The following FLT3 variants were observed in gnomAD, a reference collection of about 807,000 sequenced individuals.
FLT3 encodes the protein receptor-type tyrosine-protein kinase FLT3.
A neutral mutation model predicts 126.6 loss-of-function variants in FLT3; 46 were observed. The observed-to-expected ratio is 0.36, with a 90% CI of 0.29 to 0.46. The LOEUF (loss-of-function observed/expected upper bound fraction) is 0.46. Ranked by LOEUF, FLT3 falls within the 20% of genes least tolerant of loss-of-function variation. The pLI, the probability that FLT3 is intolerant of heterozygous loss-of-function variation, is 1.00. For missense variants in FLT3, 1,069 were observed against 1,190.3 expected (o/e 0.90, Z 1.50); for synonymous variants, 404 against 434.4 (o/e 0.93, Z 0.87).
intron 2 of FLT3, among the ~76,000 whole-genome samples, chr13:28,062,642 G>A (rs1876670591): frequency 6.6e-6 from 1 of 150,774 alleles, no homozygotes; most frequent in Non-Finnish European, 1.5e-5. Flanking sequence ...TCCACGGGAG[G>A]CTGAGGCAGG....
At chr13:28,074,091 CTATTT>C (rs1877766244) in intron 1 of FLT3, among the ~76,000 whole-genome samples, 1 of 152,168 alleles carries the variant, frequency 6.6e-6, no homozygotes, top group South Asian at 2.1e-4. Flanking sequence ...CACCTCTGAT[CTATTT>C]TCTGTAATTA....
intron 1 of FLT3, among the ~76,000 whole-genome samples, chr13:28,083,468 G>T (rs1323011099): frequency 6.6e-6 from 1 of 152,112 alleles, no homozygotes; most frequent in African/African-American, 2.4e-5. Context: ...TTTAACCTTT[G>T]TCTGGTTTTG....
chr13:28,051,835 T>C (rs1875510016), intron 5 of FLT3, among the ~76,000 whole-genome samples: 1 of 151,936 alleles, frequency 6.6e-6, no homozygotes, highest in Admixed American at 6.6e-5. Flanking sequence ...CGTGAGCCAC[T>C]GTGCCCAGCC....
chr13:28,100,062 CG>C lies in FLT3; in HGVS notation c.43+405del, dbSNP rs1171470503. Among the ~76,000 whole-genome samples, 1 of 152,108 alleles carries C rather than the reference CG, an allele frequency of 6.6e-6. No homozygotes were observed. Among genetic ancestry groups the C allele is most frequent in the Non-Finnish European group, 1.5e-5 (1 of 68,016 alleles). ...CCAGGTGTCTACAGTATCCAAGGGC[CG>C]GGCCAGGAGAGGTCCTTGGCCACCT... On this transcript the variant is annotated intron_variant, in intron 1 of 23. Transcript: ENST00000241453. This position sits in a 1 kb window ranked among gnomAD's most constrained non-coding sequence, Gnocchi z 4.8.
At chr13:28,084,970 C>A in intron 1 of FLT3, among the ~76,000 whole-genome samples, 1 of 36,936 alleles carries the variant, frequency 2.7e-5, no homozygotes, top group African/African-American at 5.6e-5. Flanking sequence ...GCGAGCCTTC[C>A]TCTAAAAAAA....
intron 12 of FLT3, among the ~76,000 whole-genome samples, chr13:28,034,833 A>G (rs1444418700): frequency 1.3e-5 from 2 of 152,058 alleles, no homozygotes; most frequent in Non-Finnish European, 2.9e-5. Context: ...AGGTGCCTGT[A>G]ATCCCAGCTG....
At chr13:28,023,232 G>T in intron 19 of FLT3, 118 bp downstream of exon 19, 1 of 1,046,180 alleles carries the variant, frequency 9.6e-7, no homozygotes, top group Non-Finnish European at 1.4e-6. Context: ...CTCCAACAGT[G>T]AACAGGGGAG....
intron 17 of FLT3, among the ~76,000 whole-genome samples, chr13:28,025,852 G>A (rs919573698): frequency 5.9e-5 from 9 of 152,176 alleles, no homozygotes; most frequent in Non-Finnish European, 7.3e-5. Context: ...GGGGATCTCC[G>A]TGGGGCCTGG....
At chr13:28,047,883 T>C (rs114897165) in intron 9 of FLT3, among the ~76,000 whole-genome samples, 72 of 152,310 alleles carry the variant, frequency 4.7e-4, no homozygotes, top group African/African-American at 1.6e-3. Flanking sequence ...AATACACCTA[T>C]GAGTAATGTT....
rs775034143 is a variant in FLT3, at chr13:28,033,869, C to T, written c.1942+18G>A. 2 of 1,590,418 alleles carry T rather than the reference C, an allele frequency of 1.3e-6. No homozygotes were observed. Among genetic ancestry groups the T allele is most frequent in the Non-Finnish European group, 1.7e-6 (2 of 1,159,388 alleles). ...CATTTTTGTGCATCTTTGTTGCTGT[C>T]CTTCCACTATACTGTACCTTTCAGC... On this transcript the variant is annotated intron_variant, in intron 15 of 23. Transcript: ENST00000241453.
At position 28,021,909 on chromosome 13, in the gene FLT3, A is replaced by AT. The variant is rs549195608; in HGVS notation, c.2418+1440dup. On this transcript the variant is annotated intron_variant, in intron 19 of 23. Transcript: ENST00000241453. ...AGGCGCCCGCCACCACACTCGGCTA[A>AT]TTTTTTTTGTATAGAGACGGGGTTT... Among the ~76,000 whole-genome samples the AT allele has an allele frequency of 6.6e-5, 10 of 151,298 alleles. No homozygotes were observed. The East Asian group carries it at 9.9e-4, about 15-fold the overall frequency.
At chr13:28,006,263 C>T (rs1358745388) in intron 23 of FLT3, among the ~76,000 whole-genome samples, 1 of 151,858 alleles carries the variant, frequency 6.6e-6, no homozygotes, top group African/African-American at 2.4e-5. Flanking sequence ...TTAATGTGAA[C>T]TGTCCAGACT....
chr13:28,072,427 T>G (rs904655331), intron 1 of FLT3, among the ~76,000 whole-genome samples: 13 of 152,012 alleles, frequency 8.6e-5, no homozygotes, highest in Admixed American at 6.6e-4. Context: ...GACAGAGTCT[T>G]GATCTGTTGC....
chr13:28,071,716 CT>C (rs1877535826), intron 1 of FLT3, among the ~76,000 whole-genome samples: 1 of 152,188 alleles, frequency 6.6e-6, no homozygotes, highest in Admixed American at 6.5e-5. Flanking sequence ...CTCTTGCTTG[CT>C]GCCTGTGTCC....
intron 22 of FLT3, 49 bp from the exon 23 acceptor site, chr13:28,014,606 C>A: frequency 8.1e-7 from 1 of 1,228,112 alleles, no homozygotes; most frequent in Non-Finnish European, 1.2e-6. Flanking sequence ...CTGAATGAAG[C>A]AAAATGGATC....
intron 1 of FLT3, among the ~76,000 whole-genome samples, chr13:28,071,635 G>C (rs1877524768): frequency 6.6e-6 from 1 of 151,984 alleles, no homozygotes; most frequent in Admixed American, 6.6e-5. Flanking sequence ...GTGGCTTGTG[G>C]CTCAATCTCT....
intron 19 of FLT3, among the ~76,000 whole-genome samples, chr13:28,021,206 T>C (rs2137632990): frequency 6.6e-6 from 1 of 152,076 alleles, no homozygotes; most frequent in South Asian, 2.1e-4. Context: ...CTGACCAACA[T>C]AGCAAAACCT....
At chr13:28,062,139 A>T in intron 2 of FLT3, 70 bp from the exon 3 acceptor site, 5 of 1,127,418 alleles carry the variant, frequency 4.4e-6, no homozygotes, top group Non-Finnish European at 6.6e-6. Context: ...CTTCACATCA[A>T]AACTTTATCA....
At chr13:28,021,900 A>G (rs1318144932) in intron 19 of FLT3, among the ~76,000 whole-genome samples, 6 of 148,836 alleles carry the variant, frequency 4.0e-5, no homozygotes, top group Non-Finnish European at 5.9e-5. Flanking sequence ...CCGCCACCAC[A>G]CTCGGCTAAT....
Sources: allele counts gnomAD v4.1 joint callset (sites outside exome capture counted in the v4.1 genomes callset), GRCh38; gene constraint gnomAD v4.1.1; non-coding constraint Gnocchi (gnomAD v3.1); transcripts MANE v1.5; gene names NCBI Gene and HGNC (gene_info 2026-07-23, HGNC 2026-07-21).